ZNF831: variants seen among roughly 807,000 people sequenced by gnomAD.
The protein encoded by ZNF831 is zinc finger protein 831, also known as chromosome 20 open reading frame 174.
A neutral mutation model predicts 95.8 loss-of-function variants in ZNF831; 59 were observed. The observed-to-expected ratio is 0.62, with a 90% confidence interval of 0.50 to 0.77. The LOEUF (loss-of-function observed/expected upper bound fraction) is 0.77. Among genes scored for constraint, ZNF831 ranks in the 30% least tolerant of loss-of-function variants. The pLI, the probability that ZNF831 is intolerant of heterozygous loss-of-function variation, is 0.00. For missense variants in ZNF831, 2,205 were observed against 2,164.0 expected (o/e 1.02, Z -0.38); for synonymous variants, 961 against 925.5 (o/e 1.04, Z -0.70).
rs535112113 is a variant in ZNF831 at position 59,210,562 on chromosome 20, GC to G, written c.4027+3508del. Among the ~76,000 whole-genome samples the G allele has an allele frequency of 2.2e-3, 328 of 152,322 alleles. 1 individual carries two copies. Among genetic ancestry groups the G allele is most frequent in the African/African-American group, 5.5e-3 (230 of 41,574 alleles). ...GTGTTCCATGGAAGTTGGCACCCCT[GC>G]CTCATCTGCAGCTTATCCTGCATGC... On this transcript the variant is annotated intron_variant, in intron 4 of 5. Coordinates refer to ENST00000371030, the MANE Select transcript of ZNF831 (RefSeq NM_178457.3).
chr20:59,188,993 C>G (rs1388506265), intron 1 of ZNF831, among the ~76,000 whole-genome samples: 1 of 152,056 alleles, frequency 6.6e-6, no homozygotes, highest in East Asian at 1.9e-4. Context: ...CCAGCCTGGT[C>G]AACATGGTGA....
chr20:59,198,121 G>A (rs1203848375), intron 3 of ZNF831, among the ~76,000 whole-genome samples: 1 of 152,086 alleles, frequency 6.6e-6, no homozygotes, highest in Non-Finnish European at 1.5e-5. Context: ...GGAGGTGGCC[G>A]AGGAAACTTT....
intron 4 of ZNF831, among the ~76,000 whole-genome samples, chr20:59,238,836 G>A (rs1398580800): frequency 7.6e-6 from 1 of 131,742 alleles, no homozygotes; most frequent in Non-Finnish European, 1.7e-5. Context: ...TAGAGCCTGG[G>A]TATGGATTTC....
chr20:59,207,298 ACTGGCCAC>A (rs1050883243), intron 4 of ZNF831, among the ~76,000 whole-genome samples: 5 of 152,224 alleles, frequency 3.3e-5, no homozygotes, highest in African/African-American at 1.2e-4. Context: ...ATCCTTGAGT[ACTGGCCAC>A]CTGTGCCAAG....
At chr20:59,157,212 G>A (rs1465026398) in intron 2 of ZNF831, among the ~76,000 whole-genome samples, 3 of 151,930 alleles carry the variant, frequency 2.0e-5, no homozygotes, top group East Asian at 1.9e-4. Context: ...CCACTTTCCC[G>A]CCCACTCCCC....
rs897461438 is a variant in ZNF831 at position 59,164,026 on chromosome 20, C to T, written c.-218C>T. Among the ~76,000 whole-genome samples, 1 of 152,124 alleles carries T rather than the reference C, an allele frequency of 6.6e-6. No individual in the cohort carries two copies. Among genetic ancestry groups the T allele is most frequent in the Admixed American group, 6.5e-5 (1 of 15,282 alleles). ...AACTGGGAGAGAACACTAAAATGCC[C>T]TCTCAGCAAAGAGTAGCGAGCTCCC... On this transcript the variant is annotated 5_prime_UTR_variant, in exon 1 of 6. Coordinates refer to ENST00000371030, the MANE Select transcript of ZNF831 (RefSeq NM_178457.3).
At chr20:59,162,724 T>C (rs1296568731), upstream of ZNF831, among the ~76,000 whole-genome samples, 1 of 152,238 alleles carries the variant, frequency 6.6e-6, no homozygotes, top group Non-Finnish European at 1.5e-5. Flanking sequence ...AGTCAGATAA[T>C]GTGATGCCTC....
At chr20:59,219,619 C>T (rs1022355303) in intron 4 of ZNF831, among the ~76,000 whole-genome samples, 6 of 152,098 alleles carry the variant, frequency 3.9e-5, no homozygotes, top group African/African-American at 1.4e-4. Context: ...TCCATTCGGC[C>T]CCCCACTGCA....
rs1555837597 is a variant in ZNF831, at chr20:59,253,866, C to CCG, written c.4189-31_4189-30insGC. 24 of 1,139,058 alleles carry CCG rather than the reference C, an allele frequency of 2.1e-5. 4 individuals carry two copies. The highest frequency in any genetic ancestry group is 2.8e-5 in the Non-Finnish European group (24 of 847,534). The allele number at this position is 1,139,058 out of a possible 1,614,324, so 70.6% of individuals were successfully genotyped here. A position where few individuals can be genotyped will look rare whatever the true frequency, so the allele number is the denominator to read the frequency against. On this transcript the variant is annotated intron_variant, in intron 5 of 5. Coordinates refer to ENST00000371030, the MANE Select transcript of ZNF831 (RefSeq NM_178457.3). ...TCTTTGTACCAATTAACCTCCCCCC[C>CCG]CACTTTTTTTTTCCTTTGCACTTTG...
At chr20:59,148,388 T>G (rs1979997679) in intron 2 of ZNF831, among the ~76,000 whole-genome samples, 1 of 151,768 alleles carries the variant, frequency 6.6e-6, no homozygotes. Flanking sequence ...TGAAGATGGG[T>G]TAGAACAGAG....
At position 59,193,295 on chromosome 20, in the gene ZNF831, G is replaced by T. The variant is rs376627327; in HGVS notation, c.2276G>T (p.Trp759Leu). 17 of 1,611,408 alleles carry T rather than the reference G, an allele frequency of 1.1e-5. No individual in the cohort carries two copies. Among genetic ancestry groups the T allele is most frequent in the Non-Finnish European group, 1.4e-5 (16 of 1,178,942 alleles). Residue 759 changes from tryptophan (W) to leucine (L), a missense_variant, in exon 2 of 6, where the codon TGG becomes TTG. Trp to Leu is a moderately conservative substitution (Grantham distance 61). Transcript: ENST00000371030. ...CCAAATGGGAGGCTGGAACTGGGGT[G>T]GCAGATGCCCCCAGCACCTGGCCCC... Reference protein sequence around the residue: ...VSPNGRLELGWQMPPAPGPLK... With the variant: ...VSPNGRLELGLQMPPAPGPLK...
intron 4 of ZNF831, among the ~76,000 whole-genome samples, chr20:59,250,139 C>T (rs1479315028): frequency 6.6e-6 from 1 of 152,190 alleles, no homozygotes; most frequent in African/African-American, 2.4e-5. Context: ...TTCCCTCACC[C>T]TTGGAGAAGA....
At chr20:59,129,565 G>A (rs1979285025) in intron 1 of ZNF831, among the ~76,000 whole-genome samples, 1 of 152,348 alleles carries the variant, frequency 6.6e-6, no homozygotes, top group African/African-American at 2.4e-5. Context: ...AGAAGTTGCA[G>A]TGAGCCGAGA....
intron 1 of ZNF831, among the ~76,000 whole-genome samples, chr20:59,133,268 A>G (rs236724): frequency 0.18 from 598 of 3,308 alleles, 98 homozygotes; most frequent in Non-Finnish European, 0.38. Context: ...CATGACGTCC[A>G]TAGGATCACT....
At chr20:59,195,696 C>G (rs1046191360) in intron 2 of ZNF831, 173 bp from the exon 3 acceptor site, 1 of 887,714 alleles carries the variant, frequency 1.1e-6, no homozygotes, top group Admixed American at 6.2e-5. Context: ...TGTCCAGGAA[C>G]GCTCTGCCGT....
chr20:59,196,666 G>T (rs377646199), intron 3 of ZNF831, among the ~76,000 whole-genome samples: 29 of 151,970 alleles, frequency 1.9e-4, no homozygotes, highest in African/African-American at 7.0e-4. Flanking sequence ...TCTCCTGCTC[G>T]CCCTCCACCC....
chr20:59,219,171 G>A (rs1985910178), intron 4 of ZNF831, among the ~76,000 whole-genome samples: 1 of 152,210 alleles, frequency 6.6e-6, no homozygotes, highest in Non-Finnish European at 1.5e-5. Context: ...ATGCATTTGT[G>A]AGCCACTGAG....
rs1352456404 is a variant in ZNF831 at position 59,191,233 on chromosome 20, C to A, written c.214C>A (p.Gln72Lys). 11 of 1,547,220 alleles carry A rather than the reference C, an allele frequency of 7.1e-6. No homozygotes were observed. The highest frequency in any genetic ancestry group is 9.6e-6 in the Non-Finnish European group (11 of 1,147,812). The change falls in exon 2 of 6, where the codon CAG (glutamine) becomes AAG (lysine). Residue 72 changes from glutamine to lysine, a missense_variant. Physicochemically the swap from Gln to Lys is moderately conservative, Grantham distance 53. Coordinates refer to ENST00000371030, the MANE Select transcript of ZNF831 (RefSeq NM_178457.3). ...LYHTVPPGGL[Q>K]PRAPLVTGSL... ...CCACACGGTGCCTCCCGGGGGCCTC[C>A]AGCCCCGCGCCCCGCTAGTGACGGG...
chr20:59,209,690 C>T (rs1443468535), intron 4 of ZNF831, among the ~76,000 whole-genome samples: 1 of 152,198 alleles, frequency 6.6e-6, no homozygotes, highest in African/African-American at 2.4e-5. Flanking sequence ...GTTTTGGAGG[C>T]CAAGAGAGGC....
Sources: allele counts gnomAD v4.1 joint callset (sites outside exome capture counted in the v4.1 genomes callset), GRCh38; gene constraint gnomAD v4.1.1; transcripts MANE v1.5; gene names NCBI Gene and HGNC (gene_info 2026-07-23, HGNC 2026-07-21).